Variants in ZEB1 observed in about 807,000 individuals in gnomAD.
ZEB1 encodes the protein zinc finger E-box-binding homeobox 1.
A neutral mutation model predicts 84.9 loss-of-function variants in ZEB1; 21 were observed. The ratio of observed to expected loss-of-function variants is 0.25; its 90% CI spans 0.18 to 0.36. The LOEUF is 0.36. ZEB1 is among the 10% of genes least tolerant of loss of function. The pLI is 1.00. For synonymous variants in ZEB1, 420 were observed against 471.1 expected, an observed-to-expected ratio of 0.89 and a Z score of 1.41; for missense variants, 1,104 against 1,330.2, an observed-to-expected ratio of 0.83 and a Z score of 2.65.
chr10:31,428,593 A>G (rs933782493), intron 1 of ZEB1, among the ~76,000 whole-genome samples: 56 of 152,186 alleles, frequency 3.7e-4, no homozygotes, highest in African/African-American at 1.2e-3. Context: ...TCCAGTGCTG[A>G]GTTCAGGTCC....
intron 1 of ZEB1, among the ~76,000 whole-genome samples, chr10:31,366,556 C>A (rs998116304): frequency 6.6e-6 from 1 of 152,212 alleles, no homozygotes; most frequent in African/African-American, 2.4e-5. Context: ...CTAAAACAAT[C>A]TTCCTGAAGT....
intron 6 of ZEB1, among the ~76,000 whole-genome samples, chr10:31,516,688 C>A (rs896184885): frequency 2.6e-5 from 4 of 151,484 alleles, no homozygotes; most frequent in African/African-American, 9.7e-5. Context: ...TTATATAATC[C>A]TCAGAAATAT....
At chr10:31,344,063 C>G (rs148543258) in intron 1 of ZEB1, among the ~76,000 whole-genome samples, 2,505 of 152,094 alleles carry the variant, frequency 0.016, 111 homozygotes, top group Admixed American at 0.099. Context: ...CTTTTTCTGA[C>G]AGCCTCACTG....
At chr10:31,423,642 T>A (rs960170272) in intron 1 of ZEB1, among the ~76,000 whole-genome samples, 2 of 152,126 alleles carry the variant, frequency 1.3e-5, no homozygotes, top group African/African-American at 2.4e-5. Flanking sequence ...CCAAACATAA[T>A]GTATTATCTC....
At chr10:31,523,776 G>A (rs1202095430) in intron 7 of ZEB1, among the ~76,000 whole-genome samples, 157 bp from the exon 8 acceptor site, 2 of 152,092 alleles carry the variant, frequency 1.3e-5, no homozygotes, top group Non-Finnish European at 2.9e-5. Context: ...CCACCCTTGG[G>A]GCACATGTGC....
At chr10:31,328,795 T>C (rs1239354550) in intron 1 of ZEB1, among the ~76,000 whole-genome samples, 2 of 152,148 alleles carry the variant, frequency 1.3e-5, no homozygotes, top group African/African-American at 4.8e-5. Context: ...CCCATTGTTA[T>C]TCTGTTACAT....
intron 1 of ZEB1, among the ~76,000 whole-genome samples, chr10:31,344,712 C>G (rs964048322): frequency 6.6e-6 from 1 of 152,046 alleles, no homozygotes; most frequent in Non-Finnish European, 1.5e-5. Context: ...TATTCAGTGC[C>G]TTGAGTGAAA....
At chr10:31,378,444 A>G (rs1388008179) in intron 1 of ZEB1, among the ~76,000 whole-genome samples, 1 of 151,780 alleles carries the variant, frequency 6.6e-6, no homozygotes, top group Non-Finnish European at 1.5e-5. Flanking sequence ...GCTTAGTAGA[A>G]GATTTAAGAC....
intron 1 of ZEB1, among the ~76,000 whole-genome samples, chr10:31,352,727 T>G (rs1164239671): frequency 6.6e-6 from 1 of 152,160 alleles, no homozygotes; most frequent in African/African-American, 2.4e-5. Flanking sequence ...ACATGGTAGC[T>G]GGATTCCAAA....
chr10:31,401,678 A>G (rs776794741), intron 1 of ZEB1, among the ~76,000 whole-genome samples: 11 of 152,220 alleles, frequency 7.2e-5, no homozygotes, highest in Non-Finnish European at 1.0e-4. Flanking sequence ...CATTTTCAAA[A>G]TAAGTGTTAT....
At chr10:31,478,999 C>A (rs1472611623) in intron 2 of ZEB1, among the ~76,000 whole-genome samples, 6 of 151,592 alleles carry the variant, frequency 4.0e-5, no homozygotes, top group Admixed American at 3.9e-4. Flanking sequence ...ATGTGATAAA[C>A]CTGCACATGT....
At chr10:31,475,161 G>A (rs1290279467) in intron 2 of ZEB1, among the ~76,000 whole-genome samples, 2 of 151,588 alleles carry the variant, frequency 1.3e-5, no homozygotes, top group Non-Finnish European at 2.9e-5. Flanking sequence ...GTATACATAT[G>A]TAACTAACCT....
intron 1 of ZEB1, among the ~76,000 whole-genome samples, chr10:31,364,303 C>G (rs1009046080): frequency 6.6e-6 from 1 of 152,174 alleles, no homozygotes; most frequent in African/African-American, 2.4e-5. Context: ...ATATCCTGCT[C>G]CTGGGGGCAA....
At chr10:31,445,612 GT>G (rs1254206776) in intron 1 of ZEB1, among the ~76,000 whole-genome samples, 1 of 152,002 alleles carries the variant, frequency 6.6e-6, no homozygotes, top group African/African-American at 2.4e-5. Context: ...TTTATTGAGA[GT>G]TTTTAGCATG....
chr10:31,482,352 C>T (rs2065155112), intron 2 of ZEB1, among the ~76,000 whole-genome samples: 1 of 151,116 alleles, frequency 6.6e-6, no homozygotes. Context: ...TCATAAAATA[C>T]AAATAAAGAC....
At chr10:31,384,353 C>G (rs2048261740) in intron 1 of ZEB1, among the ~76,000 whole-genome samples, 1 of 152,152 alleles carries the variant, frequency 6.6e-6, no homozygotes, top group Non-Finnish European at 1.5e-5. Flanking sequence ...TGCTTACTCT[C>G]AATTTCTATA....
At chr10:31,407,564 ATG>A (rs2053358088) in intron 1 of ZEB1, among the ~76,000 whole-genome samples, 2 of 152,006 alleles carry the variant, frequency 1.3e-5, no homozygotes, top group Admixed American at 1.3e-4. Context: ...ATACGTGTGC[ATG>A]TGTCTTTATA....
At chr10:31,362,866 C>T in intron 1 of ZEB1, 1 of 1,243,154 alleles carries the variant, frequency 8.0e-7, no homozygotes, top group Non-Finnish European at 1.1e-6. Flanking sequence ...CTGTCTTAGT[C>T]TCCTGAATTT....
At chr10:31,454,063 G>C (rs922968076) in intron 1 of ZEB1, among the ~76,000 whole-genome samples, 1 of 152,100 alleles carries the variant, frequency 6.6e-6, no homozygotes, top group Non-Finnish European at 1.5e-5. Flanking sequence ...TATCCACCAC[G>C]ATCAAATCAG....
Sources: gnomAD v4.1 joint callset for allele counts (sites outside exome capture counted in the v4.1 genomes callset) on GRCh38, gnomAD v4.1.1 for gene constraint, MANE v1.5 for transcripts, NCBI Gene and HGNC (gene_info 2026-07-23, HGNC 2026-07-21) for gene names.